Variants in RAP1A observed in about 807,000 individuals in gnomAD.
The protein encoded by RAP1A is ras-related protein Rap-1A.
Under a neutral mutation model 26.4 loss-of-function variants are expected in RAP1A, and 6 were observed. The observed-to-expected ratio is 0.23, with a 90% CI of 0.12 to 0.45. The LOEUF (loss-of-function observed/expected upper bound fraction) is 0.45, where lower values mean the gene tolerates loss of function less well. Among genes scored for constraint, RAP1A ranks in the 20% least tolerant of loss-of-function variants. The pLI, the probability that RAP1A is intolerant of heterozygous loss-of-function variation, is 0.99. For missense variants in RAP1A, 121 were observed against 217.2 expected, an observed-to-expected ratio of 0.56 and a Z score of 2.78; for synonymous variants, 73 against 79.4, an observed-to-expected ratio of 0.92 and a Z score of 0.43.
chr1:111,600,305 G>A (rs898919794), intron 1 of RAP1A, among the ~76,000 whole-genome samples: 1 of 152,148 alleles, frequency 6.6e-6, no homozygotes, highest in Non-Finnish European at 1.5e-5. Context: ...AGTCAGGACT[G>A]GTAATCACAA....
At chr1:111,663,872 TAAA>T (rs377052850) in intron 1 of RAP1A, among the ~76,000 whole-genome samples, 58 of 148,488 alleles carry the variant, frequency 3.9e-4, no homozygotes, top group Non-Finnish European at 1.5e-4. Flanking sequence ...AAAAGGCACT[TAAA>T]AAAAAAAGGT....
chr1:111,659,528 T>A (rs1660567772), intron 1 of RAP1A, among the ~76,000 whole-genome samples: 1 of 151,808 alleles, frequency 6.6e-6, no homozygotes, highest in Admixed American at 6.6e-5. Flanking sequence ...TTTTTTTCTC[T>A]TATTATTATA....
At chr1:111,657,169 A>G (rs1190926681) in intron 1 of RAP1A, among the ~76,000 whole-genome samples, 1 of 152,156 alleles carries the variant, frequency 6.6e-6, no homozygotes, top group African/African-American at 2.4e-5. Context: ...CATATCCATA[A>G]TCCAAAATCC....
chr1:111,599,320 T>G (rs201438539), intron 1 of RAP1A, among the ~76,000 whole-genome samples: 25 of 152,110 alleles, frequency 1.6e-4, no homozygotes, highest in African/African-American at 5.6e-4. Context: ...ATTCTCCTGC[T>G]TCAGCCTCCT....
intron 1 of RAP1A, among the ~76,000 whole-genome samples, chr1:111,668,659 T>C (rs1660873280): frequency 6.6e-6 from 1 of 152,208 alleles, no homozygotes; most frequent in South Asian, 2.1e-4. Flanking sequence ...TTTACTATAC[T>C]GCTTATAAGA....
intron 1 of RAP1A, among the ~76,000 whole-genome samples, chr1:111,606,849 A>C (rs1658793852): frequency 1.3e-5 from 2 of 152,214 alleles, no homozygotes; most frequent in Admixed American, 6.5e-5. Context: ...ATTTGAAGAG[A>C]GAACAAAAGC....
intron 4 of RAP1A, among the ~76,000 whole-genome samples, chr1:111,700,613 T>C (rs1381294491): frequency 6.6e-6 from 1 of 152,216 alleles, no homozygotes; most frequent in Non-Finnish European, 1.5e-5. Flanking sequence ...TATCTCTCAT[T>C]TCTTTTCTGA....
intron 1 of RAP1A, among the ~76,000 whole-genome samples, chr1:111,635,850 G>A (rs1659714625): frequency 6.6e-6 from 1 of 152,112 alleles, no homozygotes; most frequent in Non-Finnish European, 1.5e-5. Context: ...TGGAATTACA[G>A]GTGTGAGCCA....
At chr1:111,583,747 ATTAACAGTAGATAT>A (rs1307968712) in intron 1 of RAP1A, among the ~76,000 whole-genome samples, 1 of 152,188 alleles carries the variant, frequency 6.6e-6, no homozygotes, top group Non-Finnish European at 1.5e-5. Context: ...GTTATGGTAC[ATTAACAGTAGATAT>A]TTTGCAGCTA....
intron 1 of RAP1A, among the ~76,000 whole-genome samples, chr1:111,572,659 G>A (rs533936009): frequency 2.4e-4 from 36 of 152,202 alleles, no homozygotes; most frequent in South Asian, 6.2e-4. Flanking sequence ...CTATCTTTTC[G>A]AGGCCCAGGC....
intron 1 of RAP1A, among the ~76,000 whole-genome samples, chr1:111,653,866 T>C (rs1288002856): frequency 6.6e-6 from 1 of 152,000 alleles, no homozygotes. Context: ...GAAATGCACC[T>C]CAAAAGGCAC....
At chr1:111,602,049 C>A (rs1320289795) in intron 1 of RAP1A, 1 of 152,190 alleles carries the variant, frequency 6.6e-6, no homozygotes, top group African/African-American at 2.4e-5. Flanking sequence ...GACCTGCATC[C>A]CACACCCTGG....
At chr1:111,619,756 T>C, upstream of RAP1A, 1 of 394,968 alleles carries the variant, frequency 2.5e-6, no homozygotes, top group Non-Finnish European at 4.5e-6. Flanking sequence ...GGGGCCTGCG[T>C]GGTGCGTGCG....
At chr1:111,709,406 G>A (rs549363540) in intron 7 of RAP1A, 142 bp downstream of exon 7, 25 of 959,554 alleles carry the variant, frequency 2.6e-5, no homozygotes, top group African/African-American at 8.5e-5. Context: ...TTGTAGGTAC[G>A]TCATCTGTTG....
At chr1:111,569,513 T>C (rs545720630) in intron 1 of RAP1A, among the ~76,000 whole-genome samples, 1 of 152,214 alleles carries the variant, frequency 6.6e-6, no homozygotes, top group African/African-American at 2.4e-5. Flanking sequence ...GCTCAGCTGC[T>C]GTACTGGGTG....
At chr1:111,697,924 G>A (rs1311622403) in intron 4 of RAP1A, among the ~76,000 whole-genome samples, 1 of 151,994 alleles carries the variant, frequency 6.6e-6, no homozygotes, top group Non-Finnish European at 1.5e-5. Flanking sequence ...TCTGAGGAAG[G>A]CAAAAATCTT....
intron 6 of RAP1A, among the ~76,000 whole-genome samples, chr1:111,708,024 A>C (rs556827609): frequency 8.7e-4 from 132 of 152,254 alleles, no homozygotes; most frequent in African/African-American, 3.2e-3. Flanking sequence ...AAAAATACAA[A>C]AATTAGCTGG....
chr1:111,630,364 T>C (rs1490227488), intron 1 of RAP1A, among the ~76,000 whole-genome samples: 1 of 152,212 alleles, frequency 6.6e-6, no homozygotes, highest in African/African-American at 2.4e-5. Context: ...ACAGTTTGGT[T>C]AGTCGTCCAA....
At chr1:111,626,411 A>G (rs1382226257) in intron 1 of RAP1A, among the ~76,000 whole-genome samples, 1 of 152,026 alleles carries the variant, frequency 6.6e-6, no homozygotes, top group African/African-American at 2.4e-5. Context: ...ATATGCATGT[A>G]TATACACACG....
Sources: gnomAD v4.1 joint callset for allele counts (sites outside exome capture counted in the v4.1 genomes callset) on GRCh38, gnomAD v4.1.1 for gene constraint, MANE v1.5 for transcripts, NCBI Gene and HGNC (gene_info 2026-07-23, HGNC 2026-07-21) for gene names.